Variants in HCN2 observed in about 807,000 individuals in gnomAD.
The protein encoded by HCN2 is hyperpolarization activated cyclic nucleotide gated potassium and sodium channel 2, also known as potassium/sodium hyperpolarization-activated cyclic nucleotide-gated channel 2.
In HCN2, 20 loss-of-function variants were observed where a neutral mutation model predicts 52.3. That is an observed-to-expected ratio of 0.38 (90% confidence interval 0.27 to 0.56). The LOEUF (loss-of-function observed/expected upper bound fraction) is 0.56. Ranked by LOEUF, HCN2 falls within the 20% of genes least tolerant of loss-of-function variation. HCN2 has a pLI of 0.71. For synonymous variants in HCN2, 694 were observed against 537.0 expected (o/e 1.29, Z -4.04); for missense variants, 981 against 1,207.7 (o/e 0.81, Z 2.78).
intron 1 of HCN2, among the ~76,000 whole-genome samples, chr19:597,174 G>A (rs548237468): frequency 8.7e-4 from 132 of 152,342 alleles, no homozygotes; most frequent in Admixed American, 2.0e-3. Flanking sequence ...TCTGACCCCC[G>A]TAATCCCCAG....
chr19:615,751 A>G, intron 7 of HCN2, 44 bp from the exon 8 acceptor site: 3 of 1,599,832 alleles, frequency 1.9e-6, no homozygotes, highest in Non-Finnish European at 2.6e-6. Flanking sequence ...CGCTGTACGC[A>G]GCAGGCGCTC....
intron 1 of HCN2, among the ~76,000 whole-genome samples, chr19:598,282 G>T (rs1220972847): frequency 6.6e-6 from 1 of 151,952 alleles, no homozygotes; most frequent in African/African-American, 2.4e-5. Context: ...CTTGTGAGGG[G>T]ACCCCTCCCC....
At chr19:599,508 G>C (rs1044553356) in intron 1 of HCN2, among the ~76,000 whole-genome samples, 10 of 152,112 alleles carry the variant, frequency 6.6e-5, no homozygotes, top group African/African-American at 2.4e-4. Context: ...GGCCGGGCGC[G>C]GTGGCTCACG....
In HCN2 at chr19:613,507, C is replaced by T. The variant is rs780268417; in HGVS notation, c.1825+19C>T. ...TTCGGGGGTGAGCTTGAGGGGGGCG[C>T]GCCTGGAGGGGGAGGGGGCACGCGA... On this transcript the variant is annotated intron_variant, in intron 6 of 7. Coordinates refer to ENST00000251287, the MANE Select transcript of HCN2 (RefSeq NM_001194.4). 8.2e-6 allele frequency: 8 copies of T among 972,894 alleles called. No homozygotes were observed. In the East Asian group the frequency reaches 1.1e-4, roughly 13 times the overall value. The allele number at this position is 972,894 out of a possible 1,614,324, so 60.3% of individuals were successfully genotyped here.
intron 7 of HCN2, among the ~76,000 whole-genome samples, chr19:615,337 G>A (rs1307895390): frequency 7.3e-5 from 11 of 151,132 alleles, no homozygotes; most frequent in South Asian, 4.1e-4. Flanking sequence ...GTGAAACCCC[G>A]TCTCTACTAA....
rs529984416 is a variant in HCN2, at chr19:590,363, C to A, written c.418C>A (p.Pro140Thr). The part of the protein sequence containing the change: ...AASGPAPGPG[P>T]AEEAGSEEAG... ...CTCGGGGCCCGCGCCGGGGCCGGGG[C>A]CGGCGGAGGAGGCGGGCAGCGAGGA... is the stretch of plus-strand genomic sequence containing the variant. The change falls in exon 1 of 8, where the codon CCG becomes ACG. Residue 140 changes from proline to threonine, a missense_variant. Physicochemically the swap from Pro to Thr is conservative, Grantham distance 38. This residue lies in a region of HCN2 where 215 missense variants were observed against 179.4 expected (regional missense o/e 1.20). Coordinates refer to ENST00000251287, the MANE Select transcript of HCN2 (RefSeq NM_001194.4). This position sits in a 1 kb window ranked among gnomAD's most constrained non-coding sequence, Gnocchi z 7.2. 1 of 1,144,284 alleles carries A rather than the reference C, an allele frequency of 8.7e-7. No individual in the cohort carries two copies. The highest frequency in any genetic ancestry group is 4.9e-5 in the Admixed American group (1 of 20,546). The allele number at this position is 1,144,284 out of a possible 1,614,324, so 70.9% of individuals were successfully genotyped here. A position where few individuals can be genotyped will look rare whatever the true frequency, so the allele number is the denominator to read the frequency against.
chr19:615,778 C>G lies in HCN2; in HGVS notation c.1991-17C>G, dbSNP rs775217922. 1.2e-6 allele frequency: 2 copies of G among 1,609,556 alleles called. No homozygotes were observed. Among genetic ancestry groups the G allele is most frequent in the African/African-American group, 1.3e-5 (1 of 74,482 alleles). ...CAGGCGCTCCCTGTGCACACGCTAA[C>G]GCCCCCTCTCCCGCAGGCAAGAAGA... On this transcript the variant is annotated splice_polypyrimidine_tract_variant and intron_variant, in intron 7 of 7. Coordinates refer to ENST00000251287, the MANE Select transcript of HCN2 (RefSeq NM_001194.4).
intron 5 of HCN2, among the ~76,000 whole-genome samples, chr19:612,603 T>C (rs894138762): frequency 1.3e-5 from 2 of 152,068 alleles, no homozygotes; most frequent in African/African-American, 2.4e-5. Flanking sequence ...TTAGTAGAGA[T>C]GGGGTTTCAC....
chr19:614,537 CGG>C (rs985828956), intron 7 of HCN2, among the ~76,000 whole-genome samples: 3 of 152,048 alleles, frequency 2.0e-5, no homozygotes, highest in Non-Finnish European at 4.4e-5. Context: ...CATGTGGAAA[CGG>C]GGAGGAAGAT....
rs1702238120 is a variant in HCN2, at chr19:608,142, T to C, written c.1397T>C (p.Ile466Thr). ...TTCATCGGCCACGCCACTGCCCTCATCCAGTCGCTGGACTCCTCGCGGCGC... is the reference window on the plus strand; with the variant it reads ...TTCATCGGCCACGCCACTGCCCTCACCCAGTCGCTGGACTCCTCGCGGCGC... Reference protein sequence around the residue: ...AMFIGHATALIQSLDSSRRQY... With the variant: ...AMFIGHATALTQSLDSSRRQY... The change falls in exon 4 of 8, where the codon ATC becomes ACC. Residue 466 changes from isoleucine to threonine, a missense_variant. By Grantham distance (89) the Ile-to-Thr change is moderately conservative. Around this residue, in one of 6 missense-constraint regions of HCN2, gnomAD observed 282 missense variants for 553.8 expected, o/e 0.51. Coordinates refer to ENST00000251287, the MANE Select transcript of HCN2 (RefSeq NM_001194.4). 6.2e-7 allele frequency: 1 copy of C among 1,613,024 alleles called. No individual in the cohort carries two copies. Among genetic ancestry groups the C allele is most frequent in the Admixed American group, 1.7e-5 (1 of 60,004 alleles).
chr19:609,636 C>T (rs1267917916), intron 4 of HCN2, among the ~76,000 whole-genome samples: 1 of 152,220 alleles, frequency 6.6e-6, no homozygotes, highest in Non-Finnish European at 1.5e-5. Context: ...CAGGGTGGTG[C>T]ACACCTGTAA....
chr19:611,437 G>C (rs926545611), intron 5 of HCN2, among the ~76,000 whole-genome samples: 2 of 152,164 alleles, frequency 1.3e-5, no homozygotes, highest in South Asian at 4.1e-4. Flanking sequence ...GGCTCGGGCA[G>C]AGGCCCCGAG....
At chr19:611,514 G>A (rs770043155) in intron 5 of HCN2, among the ~76,000 whole-genome samples, 28 of 152,322 alleles carry the variant, frequency 1.8e-4, no homozygotes, top group Non-Finnish European at 3.4e-4. Context: ...CTCGGGCCCC[G>A]GGAATGCCTC....
At position 597,828 on chromosome 19, in the gene HCN2, G is replaced by C. The variant is rs1482469004; in HGVS notation, c.633-5716G>C. ...TTCTAGGTCTCCTTGGCAGTTTCTA[G>C]GTCCTCCTGGTGGTTTCTAGGTCTC... is the stretch of plus-strand genomic sequence containing the variant. On this transcript the variant is annotated intron_variant, in intron 1 of 7. Transcript: ENST00000251287. 2.0e-5 allele frequency among the ~76,000 whole-genome samples: 3 copies of C among 151,960 alleles called. No individual in the cohort carries two copies. In the East Asian group the frequency reaches 5.8e-4, roughly 29 times the overall value.
Position 615,939 on chromosome 19 carries a change from G to C in HCN2, c.2135G>C (p.Gly712Ala). The change falls in exon 8 of 8, where the codon GGC (glycine) becomes GCC (alanine). Residue 712 changes from glycine to alanine, a missense_variant. This residue lies in a region of HCN2 where 368 missense variants were observed against 314.8 expected (regional missense o/e 1.17). Transcript: ENST00000251287. The part of the protein sequence containing the change: ...VQQAELGQRV[G>A]LFPPPPPPPQ... ...CAGGCCGAGCTGGGTCAGCGCGTGG[G>C]CCTCTTCCCGCCGCCGCCGCCGCCG... 6.2e-7 allele frequency: 1 copy of C among 1,607,996 alleles called. No individual in the cohort carries two copies. Among genetic ancestry groups the C allele is most frequent in the Non-Finnish European group, 8.5e-7 (1 of 1,178,634 alleles).
chr19:596,100 G>A (rs918301575), intron 1 of HCN2, among the ~76,000 whole-genome samples: 5 of 152,232 alleles, frequency 3.3e-5, no homozygotes, highest in East Asian at 1.9e-4. Flanking sequence ...GAGCCGGGTC[G>A]GCGGCCTCCT....
At chr19:609,019 T>G (rs535236116) in intron 4 of HCN2, among the ~76,000 whole-genome samples, 1 of 152,284 alleles carries the variant, frequency 6.6e-6, no homozygotes, top group South Asian at 2.1e-4. Flanking sequence ...AGTTTCCCCA[T>G]GTTAGGCGGC....
At chr19:593,653 G>T (rs903272943) in intron 1 of HCN2, among the ~76,000 whole-genome samples, 1 of 152,170 alleles carries the variant, frequency 6.6e-6, no homozygotes, top group African/African-American at 2.4e-5. Context: ...AGTGCAGTTG[G>T]TCTATTGCTG....
At chr19:613,061 G>A (rs576761109) in intron 5 of HCN2, among the ~76,000 whole-genome samples, 187 bp from the exon 6 acceptor site, 3 of 152,332 alleles carry the variant, frequency 2.0e-5, no homozygotes, top group Admixed American at 6.5e-5. Context: ...GTCAAACGGC[G>A]AAGGGGCACT....
Sources: gnomAD v4.1 joint callset for allele counts (sites outside exome capture counted in the v4.1 genomes callset) on GRCh38, gnomAD v4.1.1 for gene constraint, gnomAD v4.1.1 regional missense constraint, Gnocchi (gnomAD v3.1) non-coding constraint, MANE v1.5 for transcripts, NCBI Gene and HGNC (gene_info 2026-07-23, HGNC 2026-07-21) for gene names.